The following LRMDA variants were observed in gnomAD, a reference collection of about 807,000 sequenced individuals.
The protein encoded by LRMDA is leucine-rich melanocyte differentiation-associated protein.
Under a neutral mutation model 29.8 loss-of-function variants are expected in LRMDA, and 18 were observed. The ratio of observed to expected loss-of-function variants is 0.60; its 90% CI spans 0.42 to 0.90. LRMDA has a LOEUF of 0.90. Ranked by LOEUF, LRMDA falls within the 40% of genes least tolerant of loss-of-function variation. The pLI, the probability that LRMDA is intolerant of heterozygous loss-of-function variation, is 0.00. For synonymous variants in LRMDA, 125 were observed against 109.4 expected (o/e 1.14, Z -0.89); for missense variants, 273 against 273.9 (o/e 1.00, Z 0.02).
At chr10:75,621,847 G>A (rs1383533462) in intron 2 of LRMDA, among the ~76,000 whole-genome samples, 1 of 152,144 alleles carries the variant, frequency 6.6e-6, no homozygotes, top group Non-Finnish European at 1.5e-5. Flanking sequence ...AACAAGTCTG[G>A]GCTGTCTCTA....
intron 2 of LRMDA, among the ~76,000 whole-genome samples, chr10:75,461,015 C>T (rs1240453705): frequency 1.3e-5 from 2 of 152,064 alleles, no homozygotes; most frequent in South Asian, 2.1e-4. Context: ...ATGAAGCCCT[C>T]GTAAGGGAAA....
chr10:76,555,822 G>GA (rs148728406), intron 6 of LRMDA, among the ~76,000 whole-genome samples: 15,050 of 146,588 alleles, frequency 0.1, 1,722 homozygotes, highest in African/African-American at 0.29. Flanking sequence ...CACACTGATG[G>GA]AAAAAAAAAT....
chr10:76,556,383 T>C (rs1843557423), intron 6 of LRMDA: 1 of 152,156 alleles, frequency 6.6e-6, no homozygotes, highest in Non-Finnish European at 1.5e-5. Flanking sequence ...ACGGTGTCTC[T>C]CCCTGTCGCC....
chr10:75,629,355 C>T (rs1203716527), intron 2 of LRMDA, among the ~76,000 whole-genome samples: 1 of 152,164 alleles, frequency 6.6e-6, no homozygotes, highest in African/African-American at 2.4e-5. Flanking sequence ...TTCTCTTCCT[C>T]CTCCTCCCCT....
At chr10:76,527,618 C>G (rs970109847) in intron 6 of LRMDA, among the ~76,000 whole-genome samples, 2 of 152,142 alleles carry the variant, frequency 1.3e-5, no homozygotes, top group African/African-American at 4.8e-5. Context: ...AAGAATACAT[C>G]TACTTCATAG....
chr10:76,401,240 C>T (rs1005208151), intron 6 of LRMDA, among the ~76,000 whole-genome samples: 1 of 152,078 alleles, frequency 6.6e-6, no homozygotes, highest in Non-Finnish European at 1.5e-5. Context: ...ATGGTATGTT[C>T]TTGTTCATGA....
chr10:75,525,652 C>A (rs141011140), intron 2 of LRMDA, among the ~76,000 whole-genome samples: 68 of 144,702 alleles, frequency 4.7e-4, no homozygotes, highest in Non-Finnish European at 7.5e-4. Context: ...TCATTCCAGA[C>A]CACTTTTTAA....
intron 2 of LRMDA, among the ~76,000 whole-genome samples, chr10:75,476,537 T>C (rs909067927): frequency 3.3e-5 from 5 of 152,184 alleles, no homozygotes; most frequent in Non-Finnish European, 5.9e-5. Context: ...TCCTACACCT[T>C]GCCAACAAAG....
rs532203805 is a variant in LRMDA, at chr10:76,333,591, G to A, written c.601+9106G>A. ...ACCTTATGGCCACTATGGAGTTGTT[G>A]TATGAGGTTGCTGATGGTTTGGTCA... is the stretch of plus-strand genomic sequence containing the variant. On this transcript the variant is annotated intron_variant, in intron 6 of 6. Transcript: ENST00000611255. 3.9e-5 allele frequency among the ~76,000 whole-genome samples: 6 copies of A among 152,304 alleles called. No individual in the cohort carries two copies. In the East Asian group the frequency reaches 1.2e-3, roughly 29 times the overall value.
chr10:75,659,124 C>A (rs372880956), intron 2 of LRMDA, among the ~76,000 whole-genome samples: 3 of 152,300 alleles, frequency 2.0e-5, no homozygotes, highest in Admixed American at 6.5e-5. Flanking sequence ...GGCACATTGC[C>A]GACACAAAGT....
At chr10:75,893,649 C>T (rs73281307) in intron 2 of LRMDA, among the ~76,000 whole-genome samples, 20,318 of 152,064 alleles carry the variant, frequency 0.13, 2,820 homozygotes, top group African/African-American at 0.35. Flanking sequence ...TTGAAAAGTT[C>T]CCTGGGCTGG....
At chr10:75,516,876 A>G (rs767299052) in intron 2 of LRMDA, among the ~76,000 whole-genome samples, 14 of 152,208 alleles carry the variant, frequency 9.2e-5, no homozygotes, top group Middle Eastern at 3.4e-3. Flanking sequence ...TAAGTTTTGT[A>G]TAAGGTGTAA....
At position 75,764,050 on chromosome 10, in the gene LRMDA, G is replaced by A. The variant is rs189493464; in HGVS notation, c.132-271958G>A. On this transcript the variant is annotated intron_variant, in intron 2 of 6. Coordinates refer to ENST00000611255, the MANE Select transcript of LRMDA (RefSeq NM_001305581.2). Reference sequence around the variant, plus strand: ...GAACTGCTTGCCAGTGAATCTGGTCGCATGGAGACCCGGCTGAGGGTGGGG... The same window carrying A: ...GAACTGCTTGCCAGTGAATCTGGTCACATGGAGACCCGGCTGAGGGTGGGG... Among the ~76,000 whole-genome samples the A allele has an allele frequency of 6.6e-5, 10 of 152,198 alleles. No homozygotes were observed. In the East Asian group the frequency reaches 9.7e-4, roughly 15 times the overall value.
chr10:76,476,384 G>A (rs1248693137), intron 6 of LRMDA, among the ~76,000 whole-genome samples: 1 of 151,964 alleles, frequency 6.6e-6, no homozygotes, highest in Non-Finnish European at 1.5e-5. Flanking sequence ...CCAAAAACAG[G>A]CTCTGAAATT....
chr10:75,983,679 G>C lies in LRMDA; in HGVS notation c.132-52329G>C, dbSNP rs146283179. The stretch of plus-strand genomic sequence containing the variant: ...ATGCTTTTCTTTTCTTTTTGATACA[G>C]AGTCTTGCTCTGTCGCCCAGGCTGG... On this transcript the variant is annotated intron_variant, in intron 2 of 6. Transcript: ENST00000611255. 6.1e-3 allele frequency among the ~76,000 whole-genome samples: 924 copies of C among 152,224 alleles called. 9 individuals carry two copies. Among genetic ancestry groups the C allele is most frequent in the African/African-American group, 0.019 (800 of 41,524 alleles).
chr10:75,611,854 C>T (rs960809286), intron 2 of LRMDA, among the ~76,000 whole-genome samples: 1 of 152,200 alleles, frequency 6.6e-6, no homozygotes, highest in African/African-American at 2.4e-5. Context: ...AACAACTGTT[C>T]GACTTGGTCC....
At chr10:75,965,813 T>C (rs1422993044) in intron 2 of LRMDA, among the ~76,000 whole-genome samples, 2 of 152,196 alleles carry the variant, frequency 1.3e-5, no homozygotes, top group African/African-American at 4.8e-5. Flanking sequence ...AAGTGAGGGT[T>C]TGTGGCTGTT....
At chr10:75,607,827 T>G (rs1840975197) in intron 2 of LRMDA, among the ~76,000 whole-genome samples, 1 of 122,530 alleles carries the variant, frequency 8.2e-6, no homozygotes, top group Non-Finnish European at 1.5e-5. Context: ...TTCAGTGGTT[T>G]TTTTTTTTTT....
chr10:76,478,975 C>G lies in LRMDA; in HGVS notation c.602-78234C>G, dbSNP rs997156480. Among the ~76,000 whole-genome samples the G allele has an allele frequency of 5.9e-5, 9 of 151,606 alleles. No homozygotes were observed. In the East Asian group the frequency reaches 1.8e-3, roughly 30 times the overall value. On this transcript the variant is annotated intron_variant, in intron 6 of 6. Transcript: ENST00000611255. ...TGACTAGTTAATGGGTGCAGCACAC[C>G]AACATGGCACATGTATACAGATGTA...
Sources: gnomAD v4.1 joint callset for allele counts (sites outside exome capture counted in the v4.1 genomes callset) on GRCh38, gnomAD v4.1.1 for gene constraint, MANE v1.5 for transcripts, NCBI Gene and HGNC (gene_info 2026-07-23, HGNC 2026-07-21) for gene names.